Variants in NCOR2 observed in about 807,000 individuals in gnomAD.
NCOR2 encodes nuclear receptor corepressor 2.
Under a neutral mutation model 262.9 loss-of-function variants are expected in NCOR2, and 81 were observed. That is an observed-to-expected ratio of 0.31 (90% CI 0.26 to 0.37). NCOR2 has a LOEUF of 0.37. NCOR2 is among the 10% of genes least tolerant of loss of function. The pLI is 1.00. For missense variants in NCOR2, 3,385 were observed against 3,621.4 expected (o/e 0.93, Z 1.68); for synonymous variants, 1,659 against 1,559.3 (o/e 1.06, Z -1.51).
chr12:124,338,869 C>T (rs2036126116), intron 37 of NCOR2, among the ~76,000 whole-genome samples: 1 of 151,802 alleles, frequency 6.6e-6, no homozygotes, highest in Non-Finnish European at 1.5e-5. Context: ...ACTCATCCAA[C>T]CATCCATTCC....
chr12:124,342,611 G>T (rs550418975), intron 33 of NCOR2, among the ~76,000 whole-genome samples: 6 of 152,142 alleles, frequency 3.9e-5, no homozygotes, highest in African/African-American at 1.4e-4. Context: ...CTTGTGATCC[G>T]CCTGCCTCGG....
In NCOR2 at chr12:124,495,162, G is replaced by T. The variant is rs367675663; in HGVS notation, c.90C>A (p.Ile30=). ...ACCCCCTTACCGTGTGCGTCCGGGC[G>T]ATCTGCACTGGGTAGGAAAGGCTGT... The change falls in exon 1 of 47, where the codon ATC becomes ATA. Residue 30 remains isoleucine (I), a synonymous_variant. Coordinates refer to ENST00000405201, the Ensembl canonical transcript of NCOR2. The surrounding 1 kb of genome is among the most constrained non-coding windows in gnomAD (Gnocchi z 4.4). The T allele has an allele frequency of 6.2e-7, 1 of 1,613,972 alleles. No homozygotes were observed. Among genetic ancestry groups the T allele is most frequent in the South Asian group, 1.1e-5 (1 of 91,070 alleles).
intron 16 of NCOR2, among the ~76,000 whole-genome samples, chr12:124,387,332 C>T (rs932270688): frequency 4.6e-5 from 7 of 151,740 alleles, no homozygotes; most frequent in African/African-American, 1.7e-4. Flanking sequence ...CACATCAGCC[C>T]GTGGCACGGC....
At chr12:124,541,834 TGGGGAGTGGAGATGGAGGGGG>T in intron 1 of NCOR2, among the ~76,000 whole-genome samples, 2 of 7,688 alleles carry the variant, frequency 2.6e-4, no homozygotes, top group East Asian at 0.012. Context: ...TGGAGGGGGA[TGGGGAGTGGAGATGGAGGGGG>T]TGGGGAGTGG....
rs2038709130 is a variant in NCOR2 at position 124,362,770 on chromosome 12, CT to C, written c.2929-474del. On this transcript the variant is annotated intron_variant, in intron 21 of 46. Coordinates refer to ENST00000405201, the Ensembl canonical transcript of NCOR2. Reference sequence around the variant, plus strand: ...GCTGCCTGGTGGTGCACAGGGGGAGCTCACCTCCTAAAAAGTCTGGCCCAGC... The same window carrying C: ...GCTGCCTGGTGGTGCACAGGGGGAGCCACCTCCTAAAAAGTCTGGCCCAGC... 6.7e-5 allele frequency among the ~76,000 whole-genome samples: 10 copies of C among 149,722 alleles called. No homozygotes were observed. The South Asian group carries it at 2.1e-3, about 31-fold the overall frequency.
chr12:124,325,392 C>CCCAGG, exon 47 of NCOR2: 1 of 1,152,270 alleles, frequency 8.7e-7, no homozygotes, highest in Non-Finnish European at 1.1e-6. Flanking sequence ...CCCCCCCGCC[C>CCCAGG]TGTTCTGAGT....
chr12:124,340,665 CA>C lies in NCOR2; in HGVS notation c.5274del (p.Ala1759ProfsTer27). On this transcript the variant is annotated frameshift_variant, in exon 35 of 47. Coordinates refer to ENST00000405201, the Ensembl canonical transcript of NCOR2. LOFTEE classifies it high-confidence loss of function. ...GGCTGGGGCGCGGTGGGGAGGTAGGCAAGGCGGTCCATGGCGGTGGCTGGGG... is the reference window on the plus strand; with the variant it reads ...GGCTGGGGCGCGGTGGGGAGGTAGGCAGGCGGTCCATGGCGGTGGCTGGGG... The C allele has an allele frequency of 6.6e-7, 1 of 1,508,024 alleles. No homozygotes were observed. The allele number at this position is 1,508,024 out of a possible 1,614,324, so 93.4% of individuals were successfully genotyped here. A position where few individuals can be genotyped will look rare whatever the true frequency, so the allele number is the denominator to read the frequency against.
At chr12:124,558,530 G>A (rs1387117409) in intron 1 of NCOR2, among the ~76,000 whole-genome samples, 1 of 152,216 alleles carries the variant, frequency 6.6e-6, no homozygotes, top group Non-Finnish European at 1.5e-5. Flanking sequence ...GGCAGGAGGC[G>A]GCTGCAGTCC....
chr12:124,354,013 G>T, intron 27 of NCOR2, 80 bp downstream of exon 29: 1 of 1,278,444 alleles, frequency 7.8e-7, no homozygotes, highest in Non-Finnish European at 1.1e-6. Flanking sequence ...CTAATGGTTT[G>T]GTGACAATGA....
intron 1 of NCOR2, among the ~76,000 whole-genome samples, chr12:124,545,246 A>G (rs837480): frequency 0.3 from 46,112 of 151,788 alleles, 7,142 homozygotes; most frequent in East Asian, 0.32. Context: ...AGGACTGGAT[A>G]AGAGCCCACC....
At chr12:124,554,784 G>T (rs1312024295) in intron 1 of NCOR2, among the ~76,000 whole-genome samples, 1 of 152,272 alleles carries the variant, frequency 6.6e-6, no homozygotes, top group Non-Finnish European at 1.5e-5. Flanking sequence ...GGGAGATGCA[G>T]CTTCCTGCCC....
chr12:124,357,931 ATGTG>A (rs541876786), intron 22 of NCOR2, among the ~76,000 whole-genome samples: 10 of 114,246 alleles, frequency 8.8e-5, no homozygotes, highest in East Asian at 3.0e-4. Context: ...ACGTGCGTGC[ATGTG>A]TGTGTGAGTG....
At position 124,503,613 on chromosome 12, in the gene NCOR2, C is replaced by CGGACGGAT. The variant is rs1555233154; in HGVS notation, c.-117-8246_-117-8245insATCCGTCC. ...ACGGATGGATGGATGGACGGACGGA[C>CGGACGGAT]GGATGGATGGATGGATGGATGGGCG... On this transcript the variant is annotated intron_variant, in intron 1 of 46. Transcript: ENST00000404621. The surrounding 1 kb of genome is among the most constrained non-coding windows in gnomAD (Gnocchi z 4.3). Among the ~76,000 whole-genome samples, 102 of 139,222 alleles carry CGGACGGAT rather than the reference C, an allele frequency of 7.3e-4. No individual in the cohort carries two copies. The highest frequency in any genetic ancestry group is 2.3e-3 in the African/African-American group (82 of 36,246). The allele number at this position is 139,222 out of a possible 152,430, so 91.3% of individuals were successfully genotyped here.
At chr12:124,499,145 T>A (rs943891139), upstream of NCOR2, among the ~76,000 whole-genome samples, 9 of 152,188 alleles carry the variant, frequency 5.9e-5, no homozygotes, top group African/African-American at 1.9e-4. Context: ...CCAAAAAAAA[T>A]GATGACATCA....
At chr12:124,545,151 CT>C (rs1300826429) in intron 1 of NCOR2, among the ~76,000 whole-genome samples, 7 of 152,124 alleles carry the variant, frequency 4.6e-5, no homozygotes, top group African/African-American at 1.7e-4. Flanking sequence ...TGCAACCCTA[CT>C]GAGACACCAA....
At chr12:124,387,073 T>G (rs1458760390) in intron 16 of NCOR2, among the ~76,000 whole-genome samples, 1 of 152,266 alleles carries the variant, frequency 6.6e-6, no homozygotes, top group Non-Finnish European at 1.5e-5. Flanking sequence ...AGGACTTTAA[T>G]GAAGGATTTC....
chr12:124,489,463 G>T (rs577566968), intron 1 of NCOR2, among the ~76,000 whole-genome samples: 10 of 152,318 alleles, frequency 6.6e-5, no homozygotes, highest in African/African-American at 2.2e-4. Context: ...GTTCTGAGAT[G>T]CAAGGCAAAG....
At position 124,503,676 on chromosome 12, in the gene NCOR2, ATGG is replaced by A. The variant is rs1272977369; in HGVS notation, c.-117-8311_-117-8309del. 5.1e-5 allele frequency among the ~76,000 whole-genome samples: 6 copies of A among 117,406 alleles called. No individual in the cohort carries two copies. The highest frequency in any genetic ancestry group is 1.7e-5 in the Non-Finnish European group (1 of 59,286). 77.0% of individuals were successfully genotyped at this position (117,406 alleles called of 152,430 possible). On this transcript the variant is annotated intron_variant, in intron 1 of 46. Transcript: ENST00000404621. The surrounding 1 kb of genome is among the most constrained non-coding windows in gnomAD (Gnocchi z 4.3). ...GATGGATGGATGGACGGGTGAATGG[ATGG>A]ATGGATGGATGGATGGATGGATGGA...
intron 1 of NCOR2, among the ~76,000 whole-genome samples, chr12:124,521,744 A>ATG (rs2050203019): frequency 6.6e-6 from 1 of 152,192 alleles, no homozygotes; most frequent in South Asian, 2.1e-4. Flanking sequence ...GGTAAATTAT[A>ATG]TGTGATGTGA....
Sources: gnomAD v4.1 joint callset for allele counts (sites outside exome capture counted in the v4.1 genomes callset) on GRCh38, gnomAD v4.1.1 for gene constraint, Gnocchi (gnomAD v3.1) non-coding constraint, MANE v1.5 for transcripts, NCBI Gene and HGNC (gene_info 2026-07-23, HGNC 2026-07-21) for gene names.